Variants in ZBTB7C observed in about 807,000 individuals in gnomAD.
ZBTB7C encodes the protein zinc finger and BTB domain-containing protein 7C.
A neutral mutation model predicts 25.7 loss-of-function variants in ZBTB7C; 8 were observed. The ratio of observed to expected loss-of-function variants is 0.31; its 90% CI spans 0.18 to 0.56. The LOEUF is 0.56. Among genes scored for constraint, ZBTB7C ranks in the 20% least tolerant of loss-of-function variants. The pLI, the probability that ZBTB7C is intolerant of heterozygous loss-of-function variation, is 0.91. For synonymous variants in ZBTB7C, 394 were observed against 369.0 expected (o/e 1.07, Z -0.78); for missense variants, 824 against 855.2 (o/e 0.96, Z 0.46).
intron 3 of ZBTB7C, among the ~76,000 whole-genome samples, chr18:48,174,630 A>G (rs371629032): frequency 1.3e-5 from 2 of 152,244 alleles, no homozygotes; most frequent in Non-Finnish European, 2.9e-5. Context: ...GAAGCTACCT[A>G]AGTGGTCATC....
At chr18:48,272,958 T>A (rs2044536215) in intron 2 of ZBTB7C, among the ~76,000 whole-genome samples, 1 of 152,140 alleles carries the variant, frequency 6.6e-6, no homozygotes, top group Non-Finnish European at 1.5e-5. Flanking sequence ...GGCAAATCCA[T>A]GGAAACAAAA....
At chr18:48,116,758 AG>A (rs1455355926) in intron 3 of ZBTB7C, among the ~76,000 whole-genome samples, 6 of 152,092 alleles carry the variant, frequency 3.9e-5, no homozygotes, top group African/African-American at 1.4e-4. Flanking sequence ...TCCAAGGCCC[AG>A]TTCAGGGCAG....
chr18:48,054,393 G>A (rs9947712), intron 3 of ZBTB7C, among the ~76,000 whole-genome samples: 2,902 of 152,246 alleles, frequency 0.019, 85 homozygotes, highest in African/African-American at 0.066. Context: ...GGATCTGGCC[G>A]GGGAGGAGCT....
intron 3 of ZBTB7C, chr18:48,137,090 G>A (rs2040195014): frequency 2.0e-6 from 2 of 985,466 alleles, no homozygotes; most frequent in Non-Finnish European, 2.4e-6. Flanking sequence ...CCACGCGGCC[G>A]CGCTGCTCGC....
At chr18:48,258,623 T>C (rs531074891) in intron 2 of ZBTB7C, among the ~76,000 whole-genome samples, 1 of 152,282 alleles carries the variant, frequency 6.6e-6, no homozygotes, top group South Asian at 2.1e-4. Flanking sequence ...CCCAAATTGA[T>C]CTGTAGATTC....
chr18:48,246,822 GCA>G (rs1437955277), intron 2 of ZBTB7C, among the ~76,000 whole-genome samples: 5 of 152,008 alleles, frequency 3.3e-5, no homozygotes, highest in Non-Finnish European at 5.9e-5. Context: ...ACCACCACAT[GCA>G]CACACACCCT....
At chr18:48,086,411 C>T (rs573506048) in intron 3 of ZBTB7C, among the ~76,000 whole-genome samples, 4 of 152,170 alleles carry the variant, frequency 2.6e-5, no homozygotes, top group Non-Finnish European at 5.9e-5. Context: ...GGCTCCAGAG[C>T]CTGCATTTCT....
At chr18:48,351,002 C>G (rs1239255397) in intron 1 of ZBTB7C, among the ~76,000 whole-genome samples, 1 of 151,604 alleles carries the variant, frequency 6.6e-6, no homozygotes, top group Non-Finnish European at 1.5e-5. Flanking sequence ...TGAACAATCT[C>G]GTATGTATAC....
intron 2 of ZBTB7C, among the ~76,000 whole-genome samples, chr18:48,187,816 G>A (rs12959754): frequency 0.28 from 26,002 of 94,146 alleles, 2,869 homozygotes; most frequent in South Asian, 0.35. Flanking sequence ...GCAAGACCCC[G>A]TCTCAAAAAA....
intron 2 of ZBTB7C, among the ~76,000 whole-genome samples, chr18:48,273,397 T>C (rs1383702440): frequency 6.6e-6 from 1 of 152,020 alleles, no homozygotes; most frequent in Non-Finnish European, 1.5e-5. Flanking sequence ...AACTCATAGA[T>C]AAACATAAAC....
chr18:48,377,159 C>A (rs1216341075), intron 1 of ZBTB7C, among the ~76,000 whole-genome samples: 1 of 152,194 alleles, frequency 6.6e-6, no homozygotes, highest in Non-Finnish European at 1.5e-5. Flanking sequence ...CACTCCACCC[C>A]CCAACAGAGC....
intron 3 of ZBTB7C, among the ~76,000 whole-genome samples, chr18:48,172,956 G>T (rs928455389): frequency 3.3e-5 from 5 of 152,206 alleles, no homozygotes; most frequent in Non-Finnish European, 2.9e-5. Context: ...GCACAGCCAT[G>T]AACTCACTGC....
At chr18:48,405,145 A>T (rs1416773695) in intron 1 of ZBTB7C, among the ~76,000 whole-genome samples, 1 of 152,018 alleles carries the variant, frequency 6.6e-6, no homozygotes, top group Admixed American at 6.5e-5. Flanking sequence ...CAGGGAAAAA[A>T]TCTGTTCGGC....
intron 2 of ZBTB7C, among the ~76,000 whole-genome samples, chr18:48,190,812 C>A (rs532801914): frequency 6.6e-6 from 1 of 152,182 alleles, no homozygotes; most frequent in African/African-American, 2.4e-5. Flanking sequence ...TGCTAAAGAT[C>A]CCCCCTCTCA....
intron 2 of ZBTB7C, among the ~76,000 whole-genome samples, chr18:48,211,098 C>A (rs2042692461): frequency 6.6e-6 from 1 of 152,112 alleles, no homozygotes; most frequent in African/African-American, 2.4e-5. Flanking sequence ...CAAAGATAAT[C>A]TTTTCAATAA....
At position 48,261,459 on chromosome 18, in the gene ZBTB7C, T is replaced by G. The variant is rs375731374; in HGVS notation, c.-78-75464A>C. Among the ~76,000 whole-genome samples the G allele has an allele frequency of 3.7e-4, 57 of 152,290 alleles. 1 individual carries two copies. The highest frequency in any genetic ancestry group is 1.3e-3 in the African/African-American group (56 of 41,554). ...ATCATGGTGATGATTATTGCTGTGG[T>G]GCAAAATAATGGCTTGGCGCTGCCG... On this transcript the variant is annotated intron_variant, in intron 2 of 4. Coordinates refer to ENST00000590800, the MANE Select transcript of ZBTB7C (RefSeq NM_001318841.2).
chr18:48,187,820 CAAAA>C (rs919402026), intron 2 of ZBTB7C, among the ~76,000 whole-genome samples: 10 of 73,374 alleles, frequency 1.4e-4, no homozygotes, highest in East Asian at 4.2e-4. Context: ...GACCCCGTCT[CAAAA>C]AAAAAAAAAA....
chr18:48,347,300 A>T (rs1034452914), intron 1 of ZBTB7C, among the ~76,000 whole-genome samples: 1 of 143,326 alleles, frequency 7.0e-6, no homozygotes, highest in Non-Finnish European at 1.6e-5. Context: ...CGGCCTCCCA[A>T]AGTGCTGGGA....
rs2035579170 is a variant in ZBTB7C, at chr18:48,027,940, C to T, written c.*1320G>A. ...TGTGACAACTCTAACTCACAGAGCC[C>T]TTCAAACCTCAGAGGCCTCCACCTC... On this transcript the variant is annotated 3_prime_UTR_variant, in exon 5 of 5. Coordinates refer to ENST00000590800, the MANE Select transcript of ZBTB7C (RefSeq NM_001318841.2). 1.3e-5 allele frequency: 2 copies of T among 152,234 alleles called. No individual in the cohort carries two copies. The highest frequency in any genetic ancestry group is 4.8e-5 in the African/African-American group (2 of 41,446). 9.4% of individuals were successfully genotyped at this position (152,234 alleles called of 1,614,324 possible).
Sources: gnomAD v4.1 joint callset for allele counts (sites outside exome capture counted in the v4.1 genomes callset) on GRCh38, gnomAD v4.1.1 for gene constraint, MANE v1.5 for transcripts, NCBI Gene and HGNC (gene_info 2026-07-23, HGNC 2026-07-21) for gene names.